Variants in CDH8 observed in about 807,000 individuals in gnomAD.
The protein encoded by CDH8 is cadherin 8.
A neutral mutation model predicts 68.1 loss-of-function variants in CDH8; 17 were observed. The ratio of observed to expected loss-of-function variants is 0.25; its 90% CI spans 0.17 to 0.37. The LOEUF is 0.37. CDH8 is among the 10% of genes least tolerant of loss of function. CDH8 has a pLI of 1.00. For synonymous variants in CDH8, 372 were observed against 365.1 expected (o/e 1.02, Z -0.21); for missense variants, 763 against 999.3 (o/e 0.76, Z 3.19).
chr16:61,658,283 G>T (rs1963490819), intron 10 of CDH8, among the ~76,000 whole-genome samples: 1 of 151,946 alleles, frequency 6.6e-6, no homozygotes, highest in Non-Finnish European at 1.5e-5. Context: ...CTTCTACAAA[G>T]TTGTGGTTTC....
chr16:61,741,572 A>C (rs192465520), intron 8 of CDH8, among the ~76,000 whole-genome samples: 25 of 152,236 alleles, frequency 1.6e-4, no homozygotes, highest in Non-Finnish European at 3.5e-4. Flanking sequence ...CACAAGTCAC[A>C]GTTCAGTTTT....
At chr16:61,775,136 G>A (rs892040683) in intron 8 of CDH8, among the ~76,000 whole-genome samples, 1 of 152,118 alleles carries the variant, frequency 6.6e-6, no homozygotes, top group African/African-American at 2.4e-5. Flanking sequence ...GGCCGAAGCA[G>A]GTGAATTGCT....
At chr16:61,748,741 A>G (rs185557457) in intron 8 of CDH8, among the ~76,000 whole-genome samples, 111 of 152,058 alleles carry the variant, frequency 7.3e-4, no homozygotes, top group Non-Finnish European at 1.1e-3. Context: ...CCAATGACCA[A>G]TCCTGTCCTA....
rs571552462 is a variant in CDH8 at position 61,923,791 on chromosome 16, G to A, written c.253-22318C>T. ...ATATAAATATATGTGATGTATATAT[G>A]TGATAAATATATAATATTTAAATAT... On this transcript the variant is annotated intron_variant, in intron 2 of 11. Coordinates refer to ENST00000577390, the MANE Select transcript of CDH8 (RefSeq NM_001796.5). Among the ~76,000 whole-genome samples the A allele has an allele frequency of 4.8e-5, 7 of 146,470 alleles. No individual in the cohort carries two copies. In the East Asian group the frequency reaches 1.4e-3, roughly 29 times the overall value.
intron 9 of CDH8, among the ~76,000 whole-genome samples, chr16:61,720,588 CA>C (rs1168862695): frequency 1.3e-5 from 2 of 150,858 alleles, no homozygotes; most frequent in African/African-American, 4.8e-5. Flanking sequence ...TACAGAACTG[CA>C]AGTAAAACTT....
chr16:61,721,497 C>T (rs1002849172), intron 9 of CDH8, among the ~76,000 whole-genome samples: 1 of 150,110 alleles, frequency 6.7e-6, no homozygotes, highest in African/African-American at 2.4e-5. Flanking sequence ...AGAAACTAGA[C>T]AAAAAAAATA....
intron 7 of CDH8, among the ~76,000 whole-genome samples, chr16:61,791,430 G>A (rs1282414099): frequency 6.6e-6 from 1 of 151,970 alleles, no homozygotes; most frequent in Admixed American, 6.6e-5. Flanking sequence ...AAACAGACAT[G>A]TGTTTTGCTT....
chr16:61,722,160 CAT>C (rs1456932195), intron 9 of CDH8, among the ~76,000 whole-genome samples: 2 of 150,700 alleles, frequency 1.3e-5, no homozygotes, highest in Admixed American at 1.3e-4. Context: ...AGGTATCTTC[CAT>C]TCTTCTAACA....
At chr16:61,654,984 G>A (rs1185652835) in intron 11 of CDH8, among the ~76,000 whole-genome samples, 1 of 152,176 alleles carries the variant, frequency 6.6e-6, no homozygotes, top group Non-Finnish European at 1.5e-5. Flanking sequence ...AAATATCAGA[G>A]AAATGCAATG....
At chr16:61,732,259 T>G (rs751570300) in intron 8 of CDH8, among the ~76,000 whole-genome samples, 1 of 151,758 alleles carries the variant, frequency 6.6e-6, no homozygotes, top group Non-Finnish European at 1.5e-5. Context: ...ATCCTAAAAC[T>G]TCCCCAACAA....
intron 7 of CDH8, among the ~76,000 whole-genome samples, chr16:61,793,286 C>A (rs1246110381): frequency 6.6e-6 from 1 of 151,722 alleles, no homozygotes; most frequent in African/African-American, 2.4e-5. Flanking sequence ...GTTACATGTG[C>A]AGGATGTGCA....
chr16:61,849,979 G>C (rs1479169748), intron 4 of CDH8, among the ~76,000 whole-genome samples: 2 of 152,092 alleles, frequency 1.3e-5, no homozygotes, highest in African/African-American at 4.8e-5. Context: ...TGAATGACTA[G>C]AAGACAGTGT....
At chr16:61,754,651 A>T (rs1005254915) in intron 8 of CDH8, among the ~76,000 whole-genome samples, 6 of 152,284 alleles carry the variant, frequency 3.9e-5, no homozygotes, top group Non-Finnish European at 7.4e-5. Context: ...TGTTGAAAAC[A>T]TTACAATTCT....
At chr16:61,654,921 T>C (rs1192738918) in intron 11 of CDH8, among the ~76,000 whole-genome samples, 1 of 152,216 alleles carries the variant, frequency 6.6e-6, no homozygotes, top group African/African-American at 2.4e-5. Context: ...AATTAAAAGG[T>C]TATAGAATCT....
chr16:61,992,947 G>T (rs189647519), intron 2 of CDH8, among the ~76,000 whole-genome samples: 35 of 152,128 alleles, frequency 2.3e-4, no homozygotes, highest in African/African-American at 8.4e-4. Flanking sequence ...TGCCACACCT[G>T]ACTAATTTGT....
intron 8 of CDH8, among the ~76,000 whole-genome samples, chr16:61,756,555 T>G (rs1399477746): frequency 1.3e-5 from 2 of 152,120 alleles, no homozygotes; most frequent in African/African-American, 4.8e-5. Flanking sequence ...ATTACATACA[T>G]AATACCAAGA....
At position 61,953,895 on chromosome 16, in the gene CDH8, TTATATATATATATA is replaced by T. The variant is rs66743095; in HGVS notation, c.253-52436_253-52423del. ...CTGTCTCAAAAAGAAAAAAAAAACTTTATATATATATATATATATATATATATATATAAAATACC... is the reference window on the plus strand; with the variant it reads ...CTGTCTCAAAAAGAAAAAAAAAACTTTATATATATATATATATAAAATACC... On this transcript the variant is annotated intron_variant, in intron 2 of 11. Transcript: ENST00000577390. Among the ~76,000 whole-genome samples the T allele has an allele frequency of 2.0e-4, 24 of 118,866 alleles. 1 individual carries two copies. The highest frequency in any genetic ancestry group is 8.6e-4 in the African/African-American group (23 of 26,596). 78.0% of individuals were successfully genotyped at this position (118,866 alleles called of 152,430 possible).
chr16:61,928,737 C>T (rs778129262), intron 2 of CDH8, among the ~76,000 whole-genome samples: 2 of 151,986 alleles, frequency 1.3e-5, no homozygotes, highest in African/African-American at 4.8e-5. Flanking sequence ...TTGTATAAGC[C>T]GTCTCATCAA....
intron 2 of CDH8, among the ~76,000 whole-genome samples, chr16:61,979,876 C>G (rs1021339587): frequency 3.9e-5 from 6 of 152,172 alleles, no homozygotes; most frequent in Admixed American, 3.9e-4. Flanking sequence ...CAAGACAGAG[C>G]AATTTACCCC....
Sources: gnomAD v4.1 joint callset for allele counts (sites outside exome capture counted in the v4.1 genomes callset) on GRCh38, gnomAD v4.1.1 for gene constraint, MANE v1.5 for transcripts, NCBI Gene and HGNC (gene_info 2026-07-23, HGNC 2026-07-21) for gene names.